Variants in TYW1B observed in about 807,000 individuals in gnomAD.
The protein encoded by TYW1B is tRNA-yW synthesizing protein 1 homolog B, also known as S-adenosyl-L-methionine-dependent tRNA 4-demethylwyosine synthase TYW1B.
In TYW1B, 73 loss-of-function variants were observed where a neutral mutation model predicts 86.9. That is an observed-to-expected ratio of 0.84 (90% CI 0.70 to 1.02). The LOEUF (loss-of-function observed/expected upper bound fraction) is 1.02. Among genes scored for constraint, TYW1B ranks in the 50% least tolerant of loss-of-function variants. The pLI is 0.00. For synonymous variants in TYW1B, 248 were observed against 292.8 expected (o/e 0.85, Z 1.56); for missense variants, 637 against 827.4 (o/e 0.77, Z 2.82).
chr7:72,702,549 G>A (rs560638001), intron 10 of TYW1B, among the ~76,000 whole-genome samples: 4 of 151,928 alleles, frequency 2.6e-5, no homozygotes, highest in Admixed American at 6.6e-5. Context: ...CACCACACCC[G>A]GCTAATTTTT....
intron 6 of TYW1B, among the ~76,000 whole-genome samples, chr7:72,779,759 A>G (rs1349915299): frequency 2.0e-5 from 3 of 150,072 alleles, no homozygotes; most frequent in Non-Finnish European, 4.4e-5. Flanking sequence ...AGTAAGTGAA[A>G]TTTGGAGTCA....
At chr7:72,724,145 A>G in intron 9 of TYW1B, among the ~76,000 whole-genome samples, 1 of 152,162 alleles carries the variant, frequency 6.6e-6, no homozygotes, top group South Asian at 2.1e-4. Context: ...CAAAATTACA[A>G]ATTAAGGGAT....
At chr7:72,720,284 C>A (rs1278772099) in intron 9 of TYW1B, among the ~76,000 whole-genome samples, 1 of 152,118 alleles carries the variant, frequency 6.6e-6, no homozygotes, top group African/African-American at 2.4e-5. Flanking sequence ...AGGAGGACCA[C>A]GGACTGAGTC....
At position 72,649,524 on chromosome 7, in the gene TYW1B, G is replaced by T. The variant is rs145689670; in HGVS notation, c.1507-20527C>A. Among the ~76,000 whole-genome samples the T allele has an allele frequency of 9.7e-3, 1,483 of 152,248 alleles. 27 individuals carry two copies. The highest frequency in any genetic ancestry group is 0.01 in the Non-Finnish European group (685 of 68,022). Reference sequence around the variant, plus strand: ...CAACGTACTGACTTGGATGTCCGAGGATACTGACAAAAGTAAAATCTCTGG... The same window carrying T: ...CAACGTACTGACTTGGATGTCCGAGTATACTGACAAAAGTAAAATCTCTGG... On this transcript the variant is annotated intron_variant, in intron 11 of 13. Coordinates refer to ENST00000620995, the MANE Select transcript of TYW1B (RefSeq NM_001145440.3).
At chr7:72,770,594 A>G (rs1219510600) in intron 7 of TYW1B, among the ~76,000 whole-genome samples, 4 of 152,140 alleles carry the variant, frequency 2.6e-5, no homozygotes, top group African/African-American at 9.7e-5. Context: ...GTACAACCAC[A>G]CTGACAACAG....
rs185067675 is a variant in TYW1B, at chr7:72,747,905, G to T, written c.965-3304C>A. 1.3e-3 allele frequency among the ~76,000 whole-genome samples: 199 copies of T among 152,092 alleles called. 1 individual carries two copies. The highest frequency in any genetic ancestry group is 3.4e-3 in the Middle Eastern group (1 of 294). Reference sequence around the variant, plus strand: ...GTGTATGTTTTGTTAAATGTAAATCGAAGCATATTACTTTCGTTGGAGTGA... The same window carrying T: ...GTGTATGTTTTGTTAAATGTAAATCTAAGCATATTACTTTCGTTGGAGTGA... On this transcript the variant is annotated intron_variant, in intron 7 of 13. Coordinates refer to ENST00000620995, the MANE Select transcript of TYW1B (RefSeq NM_001145440.3).
At chr7:72,727,121 C>G (rs1787014037) in intron 9 of TYW1B, among the ~76,000 whole-genome samples, 1 of 152,076 alleles carries the variant, frequency 6.6e-6, no homozygotes, top group African/African-American at 2.4e-5. Flanking sequence ...GTGAGGGGGA[C>G]AAAGCCTAAC....
At chr7:72,732,880 C>G (rs547663503) in intron 8 of TYW1B, among the ~76,000 whole-genome samples, 28 of 151,568 alleles carry the variant, frequency 1.8e-4, no homozygotes, top group African/African-American at 6.8e-4. Context: ...AAAAAAAGAT[C>G]CAAATAAATA....
intron 6 of TYW1B, among the ~76,000 whole-genome samples, chr7:72,782,172 C>T (rs116944007): frequency 0.028 from 4,207 of 151,908 alleles, 74 homozygotes; most frequent in Non-Finnish European, 0.037. Flanking sequence ...GCCTGTCATC[C>T]GAGCCACTTG....
chr7:72,695,807 G>A (rs1554451367), intron 10 of TYW1B, among the ~76,000 whole-genome samples: 1 of 151,862 alleles, frequency 6.6e-6, no homozygotes. Context: ...CGTTACCTAG[G>A]CTGGTCTGGA....
At chr7:72,777,645 G>A in intron 6 of TYW1B, 112 bp from the exon 7 acceptor site, 1 of 1,343,496 alleles carries the variant, frequency 7.4e-7, no homozygotes, top group Non-Finnish European at 1.0e-6. Context: ...GCTGGGCATA[G>A]TGGCTCACGC....
At chr7:72,775,747 A>G (rs2129572008) in intron 7 of TYW1B, among the ~76,000 whole-genome samples, 1 of 152,204 alleles carries the variant, frequency 6.6e-6, no homozygotes, top group South Asian at 2.1e-4. Context: ...AAAAAACAAA[A>G]AACAAGTAGT....
chr7:72,583,466 G>C (rs1554429919), intron 13 of TYW1B, among the ~76,000 whole-genome samples: 1 of 152,212 alleles, frequency 6.6e-6, no homozygotes, highest in Non-Finnish European at 1.5e-5. Context: ...TAGAAAATCT[G>C]AAAGTGGTTG....
chr7:72,791,159 T>C (rs1298219225), intron 6 of TYW1B, among the ~76,000 whole-genome samples: 1 of 152,158 alleles, frequency 6.6e-6, no homozygotes, highest in African/African-American at 2.4e-5. Context: ...AACATGTTTT[T>C]ATAATCCCAT....
At chr7:72,605,465 T>C (rs368448942) in intron 13 of TYW1B, among the ~76,000 whole-genome samples, 8 of 151,812 alleles carry the variant, frequency 5.3e-5, no homozygotes, top group African/African-American at 1.9e-4. Flanking sequence ...GCGATTCTCC[T>C]GCCTCAGCCT....
At chr7:72,827,509 TA>T (rs1788956578) in intron 1 of TYW1B, among the ~76,000 whole-genome samples, 1 of 152,066 alleles carries the variant, frequency 6.6e-6, no homozygotes, top group South Asian at 2.1e-4. Context: ...AAAAACAGAA[TA>T]TAAAACTGTA....
chr7:72,668,417 T>C (rs1416869398), intron 11 of TYW1B, among the ~76,000 whole-genome samples: 4 of 152,254 alleles, frequency 2.6e-5, no homozygotes, highest in African/African-American at 9.6e-5. Context: ...GCTCTCTCAG[T>C]GTGCTAGGCA....
chr7:72,591,305 A>C (rs1811389516), intron 13 of TYW1B, among the ~76,000 whole-genome samples: 2 of 152,090 alleles, frequency 1.3e-5, no homozygotes, highest in African/African-American at 4.8e-5. Context: ...TTTTCCCTAA[A>C]TTTAATGAAA....
At chr7:72,681,210 TA>T (rs1813866359) in intron 11 of TYW1B, among the ~76,000 whole-genome samples, 1 of 152,226 alleles carries the variant, frequency 6.6e-6, no homozygotes, top group Non-Finnish European at 1.5e-5. Flanking sequence ...TAACAGAATA[TA>T]CACCAAGAGG....
Sources: gnomAD v4.1 joint callset for allele counts (sites outside exome capture counted in the v4.1 genomes callset) on GRCh38, gnomAD v4.1.1 for gene constraint, MANE v1.5 for transcripts, NCBI Gene and HGNC (gene_info 2026-07-23, HGNC 2026-07-21) for gene names.